The following ATP5F1D variants were observed in gnomAD, a reference collection of about 807,000 sequenced individuals.
The protein encoded by ATP5F1D is ATP synthase F(1) complex subunit delta, mitochondrial.
A neutral mutation model predicts 13.0 loss-of-function variants in ATP5F1D; 16 were observed. The observed-to-expected ratio is 1.23, with a 90% CI of 0.83 to 1.87. The LOEUF (loss-of-function observed/expected upper bound fraction) is 1.87. Ranked by LOEUF, ATP5F1D falls within the 40% of genes most tolerant of loss-of-function variation. The pLI, the probability that ATP5F1D is intolerant of heterozygous loss-of-function variation, is 0.00. For synonymous variants in ATP5F1D, 129 were observed against 116.2 expected (o/e 1.11, Z -0.71); for missense variants, 294 against 246.2 (o/e 1.19, Z -1.30).
chr19:1,241,991 G>T lies in ATP5F1D; in HGVS notation c.141G>T (p.Gln47His). Residue 47 changes from glutamine (Q) to histidine (H), a missense_variant and splice_region_variant, in exon 1 of 4, where the codon CAG becomes CAT. By Grantham distance (24) the Gln-to-His change is conservative. Coordinates refer to ENST00000215375, the MANE Select transcript of ATP5F1D (RefSeq NM_001687.5). ...CCTTCACCTTCGCCTCTCCCACGCAGGTTCGGGCGCTGCGGGTCGGGACCC... is the reference window on the plus strand; with the variant it reads ...CCTTCACCTTCGCCTCTCCCACGCATGTTCGGGCGCTGCGGGTCGGGACCC... Reference protein sequence around the residue: ...QMSFTFASPTQVFFNGANVRQ... With the variant: ...QMSFTFASPTHVFFNGANVRQ... 1 of 1,447,090 alleles carries T rather than the reference G, an allele frequency of 6.9e-7. No individual in the cohort carries two copies. Among genetic ancestry groups the T allele is most frequent in the Non-Finnish European group, 9.1e-7 (1 of 1,099,394 alleles). 89.6% of individuals were successfully genotyped at this position (1,447,090 alleles called of 1,614,324 possible).
Position 1,244,181 on chromosome 19 carries a change from TG to T in ATP5F1D, c.384+1del. ...EEAVTLDMLD[L>X]GAAKANLEKA... ...GCCGTGACGCTGGACATGTTGGACCTGGGGGTGAGTGTCAGAGGGGACCTGA... is the reference window on the plus strand; with the variant it reads ...GCCGTGACGCTGGACATGTTGGACCTGGGGTGAGTGTCAGAGGGGACCTGA... On this transcript the variant is annotated frameshift_variant, in exon 3 of 4. Transcript: ENST00000215375. LOFTEE classifies it low-confidence loss of function (END_TRUNC). 6.2e-7 allele frequency: 1 copy of T among 1,610,826 alleles called. No individual in the cohort carries two copies.
rs748638393 is a variant in ATP5F1D, at chr19:1,242,007, G to T, written c.141+16G>T. On this transcript the variant is annotated intron_variant, in intron 1 of 3. Transcript: ENST00000215375. ...TCCCACGCAGGTTCGGGCGCTGCGG[G>T]TCGGGACCCTCCGTGGCCGCCGCCC... The T allele has an allele frequency of 2.1e-6, 3 of 1,402,320 alleles. No individual in the cohort carries two copies. Among genetic ancestry groups the T allele is most frequent in the East Asian group, 5.6e-5 (2 of 35,798 alleles). The allele number at this position is 1,402,320 out of a possible 1,614,324, so 86.9% of individuals were successfully genotyped here.
At chr19:1,242,666 C>CA in intron 2 of ATP5F1D, 57 bp downstream of exon 2, 1 of 1,414,718 alleles carries the variant, frequency 7.1e-7, no homozygotes, top group South Asian at 1.5e-5. Flanking sequence ...CATCCCAGGT[C>CA]AGTCTCCGTC....
rs754880094 is a variant in ATP5F1D at position 1,244,342 on chromosome 19, C to T, written c.412C>T (p.Gln138Ter). 2 of 1,592,328 alleles carry T rather than the reference C, an allele frequency of 1.3e-6. No homozygotes were observed. Among genetic ancestry groups the T allele is most frequent in the Admixed American group, 1.8e-5 (1 of 56,446 alleles). The part of the protein sequence containing the change: ...GAAKANLEKA[Q>*]AELVGTADEA... ...AGCCAAGGCAAACTTGGAGAAGGCC[C>T]AGGCGGAGCTGGTGGGGACAGCTGA... is the stretch of plus-strand genomic sequence containing the variant. Residue 138 changes from glutamine (Q) to a stop codon, truncating the protein, a stop_gained, in exon 4 of 4, where the codon CAG (glutamine) becomes TAG (stop). Transcript: ENST00000215375. LOFTEE classifies it low-confidence loss of function (END_TRUNC).
At chr19:1,242,031 C>T (rs376925883) in intron 1 of ATP5F1D, 40 bp downstream of exon 1, 2 of 1,362,732 alleles carry the variant, frequency 1.5e-6, no homozygotes, top group Non-Finnish European at 1.9e-6. Context: ...TGGCCGCCGC[C>T]CCCGGAGTCC....
intron 2 of ATP5F1D, among the ~76,000 whole-genome samples, chr19:1,243,656 C>CA (rs916324092): frequency 6.6e-6 from 1 of 152,054 alleles, no homozygotes; most frequent in Non-Finnish European, 1.5e-5. Context: ...GACCCTGTGC[C>CA]AAAAAAACCC....
In ATP5F1D at chr19:1,242,144, C is replaced by T. The variant is rs980164675; in HGVS notation, c.141+153C>T. 19 of 1,051,912 alleles carry T rather than the reference C, an allele frequency of 1.8e-5. No individual in the cohort carries two copies. In the African/African-American group the frequency reaches 2.8e-4, roughly 16 times the overall value. The allele number at this position is 1,051,912 out of a possible 1,614,324, so 65.2% of individuals were successfully genotyped here. Reference sequence around the variant, plus strand: ...CCCTGGACCCTCGGCCCTGCCTCTGCTGCCCGAGCCCTGCGCTGCCCTCGT... The same window carrying T: ...CCCTGGACCCTCGGCCCTGCCTCTGTTGCCCGAGCCCTGCGCTGCCCTCGT... On this transcript the variant is annotated intron_variant, in intron 1 of 3. Coordinates refer to ENST00000215375, the MANE Select transcript of ATP5F1D (RefSeq NM_001687.5).
intron 3 of ATP5F1D, 58 bp downstream of exon 3, chr19:1,244,243 A>T: frequency 6.3e-7 from 1 of 1,582,770 alleles, no homozygotes; most frequent in South Asian, 1.1e-5. Flanking sequence ...GCTGCGGGGG[A>T]GGGAGCGCTG....
intron 2 of ATP5F1D, among the ~76,000 whole-genome samples, chr19:1,243,811 C>T (rs1485288628): frequency 1.3e-5 from 2 of 152,224 alleles, no homozygotes; most frequent in Non-Finnish European, 2.9e-5. Flanking sequence ...CCAGCTCAAC[C>T]CATGGGTGGT....
Position 1,244,647 on chromosome 19 carries a change from G to A in ATP5F1D, c.*210G>A. ...GCCAGGGAAGCTCCTCCTCAGCTTT[G>A]AGCTGTGGCTGCCACCCATGGGGCT... On this transcript the variant is annotated 3_prime_UTR_variant, in exon 4 of 4. Coordinates refer to ENST00000215375, the MANE Select transcript of ATP5F1D (RefSeq NM_001687.5). The A allele has an allele frequency of 1.3e-6, 1 of 750,290 alleles. No homozygotes were observed. The highest frequency in any genetic ancestry group is 2.1e-6 in the Non-Finnish European group (1 of 481,016). 46.5% of individuals were successfully genotyped at this position (750,290 alleles called of 1,614,324 possible). A position where few individuals can be genotyped will look rare whatever the true frequency, so the allele number is the denominator to read the frequency against.
At chr19:1,242,815 A>AC (rs2081044429) in intron 2 of ATP5F1D, 1 of 481,786 alleles carries the variant, frequency 2.1e-6, no homozygotes, top group South Asian at 6.1e-5. Context: ...ACATGATGTA[A>AC]CCCCGTCTCT....
intron 1 of ATP5F1D, 128 bp from the exon 2 acceptor site, chr19:1,242,328 G>A: frequency 8.4e-7 from 1 of 1,186,074 alleles, no homozygotes; most frequent in Non-Finnish European, 1.1e-6. Flanking sequence ...TCCCTGCGCT[G>A]GGTTGTCTCA....
chr19:1,242,053 C>T, intron 1 of ATP5F1D, 62 bp downstream of exon 1: 1 of 1,312,050 alleles, frequency 7.6e-7, no homozygotes, highest in Non-Finnish European at 9.7e-7. Context: ...GGGTCCCCAC[C>T]CCCAGGGCGC....
intron 1 of ATP5F1D, 127 bp downstream of exon 1, chr19:1,242,118 G>C: frequency 8.4e-7 from 1 of 1,185,462 alleles, no homozygotes; most frequent in East Asian, 3.2e-5. Flanking sequence ...AGGCTACTCA[G>C]CCCTGGACCC....
Position 1,242,440 on chromosome 19 carries a change from A to G in ATP5F1D, c.142-16A>G, listed in dbSNP as rs199717751. The G allele has an allele frequency of 2.5e-5, 37 of 1,503,088 alleles. No individual in the cohort carries two copies. In the East Asian group the frequency reaches 9.2e-4, roughly 37 times the overall value. 93.1% of individuals were successfully genotyped at this position (1,503,088 alleles called of 1,614,324 possible). On this transcript the variant is annotated splice_polypyrimidine_tract_variant and intron_variant, in intron 1 of 3. Transcript: ENST00000215375. ...CCGGCCTGCCCCGCCATCATTCCCC[A>G]CGCTGTTGTCTGCAGGTGTTCTTCA...
Position 1,242,599 on chromosome 19 carries a change from C to CA in ATP5F1D, c.288dup (p.Tyr97IlefsTer50). On this transcript the variant is annotated frameshift_variant, in exon 2 of 4. Coordinates refer to ENST00000215375, the MANE Select transcript of ATP5F1D (RefSeq NM_001687.5). LOFTEE classifies it high-confidence loss of function. Reference sequence around the variant, plus strand: ...TGCATGCAGAGGACGGCACCACCTCCAAATACTTTGGTGAGTCCGGTGGAG... The same window carrying CA: ...TGCATGCAGAGGACGGCACCACCTCCAAAATACTTTGGTGAGTCCGGTGGAG... 1 of 1,524,700 alleles carries CA rather than the reference C, an allele frequency of 6.6e-7. No homozygotes were observed. Among genetic ancestry groups the CA allele is most frequent in the African/African-American group, 1.4e-5 (1 of 72,300 alleles). The allele number at this position is 1,524,700 out of a possible 1,614,324, so 94.4% of individuals were successfully genotyped here. A position where few individuals can be genotyped will look rare whatever the true frequency, so the allele number is the denominator to read the frequency against.
Position 1,244,597 on chromosome 19 carries a change from C to G in ATP5F1D, c.*160C>G. 3.3e-6 allele frequency: 4 copies of G among 1,199,896 alleles called. No individual in the cohort carries two copies. Among genetic ancestry groups the G allele is most frequent in the South Asian group, 1.6e-5 (1 of 62,444 alleles). 74.3% of individuals were successfully genotyped at this position (1,199,896 alleles called of 1,614,324 possible). On this transcript the variant is annotated 3_prime_UTR_variant, in exon 4 of 4. Transcript: ENST00000215375. ...CTTCTGCCTGGGCCCCAGGCCCTGC[C>G]TGTGTTGAAAGCTCTGGGGACTGGG...
Position 1,244,300 on chromosome 19 carries a change from CT to C in ATP5F1D, c.385-14del. 1 of 1,590,296 alleles carries C rather than the reference CT, an allele frequency of 6.3e-7. No individual in the cohort carries two copies. The highest frequency in any genetic ancestry group is 1.1e-5 in the South Asian group (1 of 87,830). On this transcript the variant is annotated splice_polypyrimidine_tract_variant and intron_variant, in intron 3 of 3. Transcript: ENST00000215375. The stretch of plus-strand genomic sequence containing the variant: ...GGTCGCTGCTGGCCCCTCACCGCCC[CT>C]CAACCCCTTGCAGGCAGCCAAGGCA...
chr19:1,241,999 C>T lies in ATP5F1D; in HGVS notation c.141+8C>T, dbSNP rs1325609150. On this transcript the variant is annotated splice_region_variant and intron_variant, in intron 1 of 3. Coordinates refer to ENST00000215375, the MANE Select transcript of ATP5F1D (RefSeq NM_001687.5). ...TTCGCCTCTCCCACGCAGGTTCGGG[C>T]GCTGCGGGTCGGGACCCTCCGTGGC... 9.1e-6 allele frequency: 13 copies of T among 1,430,460 alleles called. No individual in the cohort carries two copies. Among genetic ancestry groups the T allele is most frequent in the Non-Finnish European group, 1.2e-5 (13 of 1,089,974 alleles). The allele number at this position is 1,430,460 out of a possible 1,614,324, so 88.6% of individuals were successfully genotyped here.
Sources: gnomAD v4.1 joint callset for allele counts (sites outside exome capture counted in the v4.1 genomes callset) on GRCh38, gnomAD v4.1.1 for gene constraint, MANE v1.5 for transcripts, NCBI Gene and HGNC (gene_info 2026-07-23, HGNC 2026-07-21) for gene names.